SPAG16: variants seen among roughly 807,000 people sequenced by gnomAD.
The protein encoded by SPAG16 is sperm-associated antigen 16 protein.
A neutral mutation model predicts 80.4 loss-of-function variants in SPAG16; 86 were observed. The observed-to-expected ratio is 1.07, with a 90% CI of 0.90 to 1.28. SPAG16 has a LOEUF of 1.28. Among genes scored for constraint, SPAG16 ranks in the 50% most tolerant of loss-of-function variants. The probability of loss-of-function intolerance (pLI) is 0.00; values close to 1 mark genes in which losing one functional copy is unlikely to be tolerated. For missense variants in SPAG16, 870 were observed against 765.3 expected, an observed-to-expected ratio of 1.14 and a Z score of -1.61; for synonymous variants, 294 against 265.9, an observed-to-expected ratio of 1.11 and a Z score of -1.03.
Position 213,560,497 on chromosome 2 carries a change from G to T in SPAG16, c.1070+70407G>T, listed in dbSNP as rs532344166. Reference sequence around the variant, plus strand: ...TATAATTTTATAATTTTAATATAGGGACATGGAAATAAAAGTTCAAAATGC... The same window carrying T: ...TATAATTTTATAATTTTAATATAGGTACATGGAAATAAAAGTTCAAAATGC... On this transcript the variant is annotated intron_variant, in intron 10 of 15. Coordinates refer to ENST00000331683, the MANE Select transcript of SPAG16 (RefSeq NM_024532.5). Among the ~76,000 whole-genome samples, 16 of 152,104 alleles carry T rather than the reference G, an allele frequency of 1.1e-4. No individual in the cohort carries two copies. In the South Asian group the frequency reaches 3.3e-3, roughly 32 times the overall value.
chr2:213,825,781 C>T (rs1333349775), intron 10 of SPAG16, among the ~76,000 whole-genome samples: 10 of 137,678 alleles, frequency 7.3e-5, no homozygotes, highest in East Asian at 6.5e-4. Context: ...ATAATGGGTT[C>T]GGAAAAATTC....
In SPAG16 at chr2:213,794,372, AG is replaced by A. The variant is rs201639733; in HGVS notation, c.1071-68112del. 7.4e-3 allele frequency among the ~76,000 whole-genome samples: 1,126 copies of A among 152,250 alleles called. 11 individuals carry two copies. The highest frequency in any genetic ancestry group is 0.023 in the African/African-American group (950 of 41,568). On this transcript the variant is annotated intron_variant, in intron 10 of 15. Transcript: ENST00000331683. Reference sequence around the variant, plus strand: ...TATAAATGACTGTTTAAATCCTAACAGTGGCCTAATTTCATAAGTAGTATTT... The same window carrying A: ...TATAAATGACTGTTTAAATCCTAACATGGCCTAATTTCATAAGTAGTATTT...
intron 5 of SPAG16, among the ~76,000 whole-genome samples, chr2:213,327,188 G>A (rs2063880713): frequency 1.3e-5 from 2 of 150,682 alleles, no homozygotes; most frequent in South Asian, 4.2e-4. Context: ...ACACAAAGAT[G>A]CTCTACTAAT....
intron 11 of SPAG16, among the ~76,000 whole-genome samples, chr2:213,898,059 A>G (rs1327737175): frequency 1.3e-5 from 2 of 152,250 alleles, no homozygotes; most frequent in African/African-American, 2.4e-5. Flanking sequence ...AAACGGCCTT[A>G]GTTTGATCTA....
intron 13 of SPAG16, among the ~76,000 whole-genome samples, chr2:214,092,033 G>A (rs2052250661): frequency 1.3e-5 from 2 of 152,072 alleles, no homozygotes; most frequent in African/African-American, 4.8e-5. Flanking sequence ...AAATGTATCT[G>A]ATAGAAATAA....
chr2:214,118,762 A>G (rs1013861126), intron 14 of SPAG16, among the ~76,000 whole-genome samples: 4 of 151,710 alleles, frequency 2.6e-5, no homozygotes, highest in African/African-American at 9.7e-5. Context: ...CAGCCAAACC[A>G]TATCAATGTC....
intron 14 of SPAG16, among the ~76,000 whole-genome samples, chr2:214,136,733 T>A (rs1316757513): frequency 3.3e-5 from 5 of 152,224 alleles, no homozygotes; most frequent in African/African-American, 1.2e-4. Flanking sequence ...ATTTATTTGC[T>A]TTATTTGTGC....
intron 12 of SPAG16, among the ~76,000 whole-genome samples, chr2:213,998,728 G>T (rs1459104808): frequency 6.6e-6 from 1 of 152,196 alleles, no homozygotes; most frequent in Non-Finnish European, 1.5e-5. Flanking sequence ...GAATGGCTTT[G>T]ACCAAAAGCT....
chr2:214,372,277 T>G (rs1395784110), intron 15 of SPAG16, among the ~76,000 whole-genome samples: 3 of 152,226 alleles, frequency 2.0e-5, no homozygotes, highest in Admixed American at 2.0e-4. Context: ...CTGCAGTGTG[T>G]TCTATTTCCT....
chr2:213,418,442 C>T (rs1176428683), intron 9 of SPAG16, among the ~76,000 whole-genome samples: 1 of 152,064 alleles, frequency 6.6e-6, no homozygotes. Context: ...TCACTTATAC[C>T]TTCTATCATA....
chr2:213,331,738 C>A (rs75755721), intron 5 of SPAG16, among the ~76,000 whole-genome samples: 9,086 of 152,150 alleles, frequency 0.06, 900 homozygotes, highest in African/African-American at 0.21. Flanking sequence ...ATTTTGGAAA[C>A]CATATGAACA....
At chr2:213,677,119 A>C (rs2064124032) in intron 10 of SPAG16, among the ~76,000 whole-genome samples, 1 of 152,074 alleles carries the variant, frequency 6.6e-6, no homozygotes, top group South Asian at 2.1e-4. Flanking sequence ...GGGAGAGTGT[A>C]TGTGTCGAGG....
chr2:214,210,820 C>G lies in SPAG16; in HGVS notation c.1720+61554C>G, dbSNP rs557542427. 1.3e-3 allele frequency among the ~76,000 whole-genome samples: 200 copies of G among 150,000 alleles called. 1 individual carries two copies. The highest frequency in any genetic ancestry group is 2.2e-3 in the Non-Finnish European group (147 of 67,924). ...CAATTTGGAATTAAGCAAAAAAATACACACACACATGCGCGCGCGCACACA... is the reference window on the plus strand; with the variant it reads ...CAATTTGGAATTAAGCAAAAAAATAGACACACACATGCGCGCGCGCACACA... On this transcript the variant is annotated intron_variant, in intron 15 of 15. Coordinates refer to ENST00000331683, the MANE Select transcript of SPAG16 (RefSeq NM_024532.5).
intron 10 of SPAG16, among the ~76,000 whole-genome samples, chr2:213,582,498 A>G (rs1162217354): frequency 1.3e-5 from 2 of 152,180 alleles, no homozygotes; most frequent in African/African-American, 4.8e-5. Flanking sequence ...GTGGCATCAG[A>G]AGTTATAGTG....
At chr2:213,573,644 A>G (rs1325138593) in intron 10 of SPAG16, among the ~76,000 whole-genome samples, 1 of 152,154 alleles carries the variant, frequency 6.6e-6, no homozygotes, top group African/African-American at 2.4e-5. Context: ...TATTTTGTAT[A>G]TATTTTTATA....
intron 1 of SPAG16, among the ~76,000 whole-genome samples, chr2:213,287,762 C>G (rs1200121028): frequency 6.6e-6 from 1 of 152,122 alleles, no homozygotes; most frequent in Non-Finnish European, 1.5e-5. Context: ...TCAACTCTTT[C>G]TGAAACTCCA....
intron 10 of SPAG16, among the ~76,000 whole-genome samples, chr2:213,812,027 G>A (rs776065603): frequency 5.3e-5 from 8 of 152,138 alleles, no homozygotes; most frequent in Non-Finnish European, 1.2e-4. Context: ...AGCAACAGGA[G>A]TTAGAAGCAT....
At chr2:213,710,969 T>G (rs1429110234) in intron 10 of SPAG16, among the ~76,000 whole-genome samples, 1 of 152,210 alleles carries the variant, frequency 6.6e-6, no homozygotes, top group Non-Finnish European at 1.5e-5. Context: ...GGAATTTTTT[T>G]TTTAATTGTA....
intron 15 of SPAG16, among the ~76,000 whole-genome samples, chr2:214,220,056 T>A (rs529292430): frequency 1.3e-5 from 2 of 152,214 alleles, no homozygotes; most frequent in Admixed American, 1.3e-4. Flanking sequence ...CACATATAGT[T>A]GAAAACATAT....
Sources: allele counts gnomAD v4.1 joint callset (sites outside exome capture counted in the v4.1 genomes callset), GRCh38; gene constraint gnomAD v4.1.1; transcripts MANE v1.5; gene names NCBI Gene and HGNC (gene_info 2026-07-23, HGNC 2026-07-21).